Variants in BRD10 observed in about 807,000 individuals in gnomAD.
The protein encoded by BRD10 is uncharacterized bromodomain-containing protein 10.
chr9:5,997,093 A>T, the BRD10 span, among the ~76,000 whole-genome samples: 2 of 152,252 alleles, frequency 1.3e-5, no homozygotes, highest in Non-Finnish European at 1.5e-5. Context: ...CAAGGAAGAA[A>T]GGCAGGAAAG....
At chr9:5,921,586 A>T in the BRD10 span, 6 of 1,613,964 alleles carry the variant, frequency 3.7e-6, no homozygotes, top group African/African-American at 6.7e-5. Flanking sequence ...TAAGTTTCTG[A>T]ACTGGAGTCC....
At chr9:5,995,636 T>C in the BRD10 span, among the ~76,000 whole-genome samples, 1 of 152,136 alleles carries the variant, frequency 6.6e-6, no homozygotes, top group African/African-American at 2.4e-5. Flanking sequence ...AGTTAGGAAA[T>C]GCAAAGGGTA....
At chr9:5,996,468 G>A in the BRD10 span, among the ~76,000 whole-genome samples, 4 of 152,102 alleles carry the variant, frequency 2.6e-5, no homozygotes, top group Admixed American at 1.3e-4. Flanking sequence ...ACAAGCATAT[G>A]CCACTATGCC....
chr9:5,890,653 A>G, the BRD10 span: 14 of 152,302 alleles, frequency 9.2e-5, no homozygotes, highest in Admixed American at 8.5e-4. Flanking sequence ...TGGCAATCCT[A>G]TGGAGGAGGG....
the BRD10 span, among the ~76,000 whole-genome samples, chr9:5,902,096 C>T: frequency 6.6e-6 from 1 of 152,116 alleles, no homozygotes; most frequent in African/African-American, 2.4e-5. Flanking sequence ...TAATATCTTT[C>T]TTAAATGTTT....
chr9:5,896,474 C>T, the BRD10 span, among the ~76,000 whole-genome samples: 1 of 152,176 alleles, frequency 6.6e-6, no homozygotes, highest in African/African-American at 2.4e-5. Flanking sequence ...CTTGATGTCT[C>T]CTCAGCCTTG....
chr9:5,885,073 C>T, the BRD10 span, among the ~76,000 whole-genome samples: 1 of 152,226 alleles, frequency 6.6e-6, no homozygotes, highest in Non-Finnish European at 1.5e-5. Context: ...CCATTTCCTC[C>T]ACCCTCCTGG....
chr9:5,958,071 T>G, the BRD10 span, among the ~76,000 whole-genome samples: 7 of 152,160 alleles, frequency 4.6e-5, no homozygotes, highest in African/African-American at 1.7e-4. Context: ...ATACCACTCT[T>G]GAGCCTAAAA....
chr9:5,995,357 TTA>T, the BRD10 span, among the ~76,000 whole-genome samples: 1 of 152,234 alleles, frequency 6.6e-6, no homozygotes. Flanking sequence ...CATCCTTACT[TTA>T]TGTTTCAGTG....
chr9:5,949,090 G>A, the BRD10 span, among the ~76,000 whole-genome samples: 2 of 152,156 alleles, frequency 1.3e-5, no homozygotes, highest in East Asian at 3.9e-4. Context: ...TAAGGGGGAA[G>A]AACTCCTGCT....
chr9:5,945,609 G>A, the BRD10 span, among the ~76,000 whole-genome samples: 1 of 151,890 alleles, frequency 6.6e-6, no homozygotes, highest in Non-Finnish European at 1.5e-5. Context: ...TTGGCAAATG[G>A]CCAAAATAAT....
chr9:5,887,317 T>C, the BRD10 span, among the ~76,000 whole-genome samples: 1 of 152,044 alleles, frequency 6.6e-6, no homozygotes, highest in East Asian at 1.9e-4. Flanking sequence ...AGACTGGCCA[T>C]TGTGTGCCCA....
At chr9:5,991,798 G>C in the BRD10 span, among the ~76,000 whole-genome samples, 2 of 149,528 alleles carry the variant, frequency 1.3e-5, no homozygotes, top group African/African-American at 4.9e-5. Flanking sequence ...CTTTCAGTTA[G>C]AATAACCTAA....
the BRD10 span, among the ~76,000 whole-genome samples, chr9:6,004,009 T>C: frequency 1.3e-5 from 2 of 152,258 alleles, no homozygotes; most frequent in African/African-American, 2.4e-5. Flanking sequence ...AATACTATGC[T>C]GTTTCATGCC....
chr9:5,912,504 T>C, the BRD10 span, among the ~76,000 whole-genome samples: 24 of 152,260 alleles, frequency 1.6e-4, no homozygotes, highest in Admixed American at 1.4e-3. Flanking sequence ...TATTAAGACA[T>C]TGCCATTCTG....
At chr9:5,968,035 G>C in the BRD10 span, 1 of 1,521,230 alleles carries the variant, frequency 6.6e-7, no homozygotes, top group African/African-American at 1.4e-5. Flanking sequence ...TGTGCTTCTT[G>C]TGTTTTGCTT....
chr9:5,989,673 G>A, the BRD10 span, among the ~76,000 whole-genome samples: 1 of 151,698 alleles, frequency 6.6e-6, no homozygotes, highest in Non-Finnish European at 1.5e-5. Flanking sequence ...GGGACCACAG[G>A]CATGTGCCAC....
the BRD10 span, among the ~76,000 whole-genome samples, chr9:5,961,988 T>C: frequency 0.2 from 30,347 of 151,508 alleles, 3,073 homozygotes; most frequent in South Asian, 0.3. Flanking sequence ...TTCAGTTCTG[T>C]TCTGATTTTA....
chr9:6,008,416 C>T, the BRD10 span, among the ~76,000 whole-genome samples: 14 of 152,096 alleles, frequency 9.2e-5, no homozygotes, highest in Non-Finnish European at 4.4e-5. Context: ...CTCAGCCCCC[C>T]GGCTGGGAAG....
Sources: gnomAD v4.1 joint callset for allele counts (sites outside exome capture counted in the v4.1 genomes callset) on GRCh38, gnomAD v4.1.1 for gene constraint, MANE v1.5 for transcripts, NCBI Gene and HGNC (gene_info 2026-07-23, HGNC 2026-07-21) for gene names.